ZNF385D: variants seen among roughly 807,000 people sequenced by gnomAD.
ZNF385D encodes the protein zinc finger protein 659.
In ZNF385D, 15 loss-of-function variants were observed where a neutral mutation model predicts 35.8. That is an observed-to-expected ratio of 0.42 (90% CI 0.28 to 0.64). ZNF385D has a LOEUF of 0.64. ZNF385D is among the 30% of genes least tolerant of loss of function. ZNF385D has a pLI of 0.23. For synonymous variants in ZNF385D, 212 were observed against 186.8 expected (o/e 1.13, Z -1.10); for missense variants, 474 against 494.6 (o/e 0.96, Z 0.39).
At chr3:21,850,372 G>A (rs1696307874) in intron 3 of ZNF385D, among the ~76,000 whole-genome samples, 1 of 152,082 alleles carries the variant, frequency 6.6e-6, no homozygotes, top group Non-Finnish European at 1.5e-5. Flanking sequence ...GTGCTTGTCA[G>A]TATTTACAGA....
intron 3 of ZNF385D, among the ~76,000 whole-genome samples, chr3:21,527,032 CA>C (rs750802114): frequency 6.7e-4 from 98 of 145,904 alleles, no homozygotes; most frequent in African/African-American, 2.1e-3. Flanking sequence ...TCACTCTTTT[CA>C]AAAAAAAAAT....
intron 1 of ZNF385D, among the ~76,000 whole-genome samples, chr3:21,717,766 T>C (rs546302025): frequency 3.3e-5 from 5 of 152,326 alleles, no homozygotes; most frequent in African/African-American, 1.2e-4. Context: ...TGCCACCCTG[T>C]AAAACGTGCC....
chr3:21,717,199 G>C (rs1457523299), intron 1 of ZNF385D, among the ~76,000 whole-genome samples: 1 of 152,192 alleles, frequency 6.6e-6, no homozygotes, highest in Admixed American at 6.5e-5. Flanking sequence ...GGTTACTTCT[G>C]AGTAGGCACT....
intron 3 of ZNF385D, among the ~76,000 whole-genome samples, chr3:21,795,051 G>A (rs775732533): frequency 6.6e-6 from 1 of 152,098 alleles, no homozygotes; most frequent in African/African-American, 2.4e-5. Context: ...CAAATTATTT[G>A]TACCTGATCC....
chr3:22,096,521 T>A (rs1393759306), intron 3 of ZNF385D, among the ~76,000 whole-genome samples: 6 of 152,030 alleles, frequency 3.9e-5, no homozygotes, highest in Admixed American at 3.9e-4. Context: ...CAGAGAGTAA[T>A]GCTGACAAAT....
At chr3:22,126,572 C>T (rs1044177404) in intron 3 of ZNF385D, among the ~76,000 whole-genome samples, 4 of 151,922 alleles carry the variant, frequency 2.6e-5, no homozygotes, top group African/African-American at 4.8e-5. Context: ...TTTTTCTGAA[C>T]GTTTTAAGAC....
At chr3:21,756,506 C>T (rs2125572253) in intron 3 of ZNF385D, among the ~76,000 whole-genome samples, 1 of 151,886 alleles carries the variant, frequency 6.6e-6, no homozygotes, top group African/African-American at 2.4e-5. Context: ...GTCTGGAGCT[C>T]AAAGGAGATG....
intron 3 of ZNF385D, among the ~76,000 whole-genome samples, chr3:21,814,037 G>A (rs1027495890): frequency 1.3e-5 from 2 of 152,102 alleles, no homozygotes; most frequent in African/African-American, 4.8e-5. Flanking sequence ...AAGAGAGTGG[G>A]GGCCAATATT....
intron 1 of ZNF385D, among the ~76,000 whole-genome samples, chr3:21,710,473 CT>C (rs1219177260): frequency 6.6e-6 from 1 of 152,112 alleles, no homozygotes; most frequent in South Asian, 2.1e-4. Flanking sequence ...GCACTGGCTT[CT>C]TTTTGTGTTT....
chr3:22,096,432 G>GA, intron 3 of ZNF385D, among the ~76,000 whole-genome samples: 1 of 151,924 alleles, frequency 6.6e-6, no homozygotes, highest in Non-Finnish European at 1.5e-5. Context: ...TACAAAAACA[G>GA]AAAAAATACT....
intron 3 of ZNF385D, among the ~76,000 whole-genome samples, chr3:21,832,821 C>T (rs1029782652): frequency 6.6e-6 from 1 of 152,138 alleles, no homozygotes; most frequent in African/African-American, 2.4e-5. Flanking sequence ...TCTATGAGCT[C>T]TACTCTTTTT....
intron 4 of ZNF385D, among the ~76,000 whole-genome samples, chr3:21,477,864 C>T (rs73046450): frequency 5.8e-4 from 88 of 152,226 alleles, no homozygotes; most frequent in African/African-American, 2.0e-3. Flanking sequence ...TGGATAGCCA[C>T]CAATTTTCTG....
chr3:22,360,086 C>A (rs1167445646), intron 2 of ZNF385D, among the ~76,000 whole-genome samples: 2 of 151,906 alleles, frequency 1.3e-5, no homozygotes, highest in Non-Finnish European at 2.9e-5. Flanking sequence ...CTTAAAAAAT[C>A]TCCTCTTTGG....
chr3:21,776,575 C>T (rs971898344), intron 3 of ZNF385D, among the ~76,000 whole-genome samples: 1 of 151,618 alleles, frequency 6.6e-6, no homozygotes, highest in African/African-American at 2.4e-5. Context: ...TCTTCCTATC[C>T]CTTGATTATT....
At chr3:21,893,788 T>C (rs916019266) in intron 3 of ZNF385D, among the ~76,000 whole-genome samples, 12 of 152,196 alleles carry the variant, frequency 7.9e-5, no homozygotes, top group African/African-American at 2.7e-4. Context: ...CCACATTTTA[T>C]CAAAGCCATG....
At chr3:21,653,604 C>T (rs1167649041) in intron 2 of ZNF385D, among the ~76,000 whole-genome samples, 1 of 151,920 alleles carries the variant, frequency 6.6e-6, no homozygotes, top group African/African-American at 2.4e-5. Context: ...TAAAAACAAA[C>T]TTGAAGCTCA....
intron 4 of ZNF385D, among the ~76,000 whole-genome samples, chr3:21,502,862 C>T (rs1321774792): frequency 6.6e-6 from 1 of 152,160 alleles, no homozygotes; most frequent in African/African-American, 2.4e-5. Context: ...AAAAGCACTC[C>T]AGGCACAAAT....
intron 3 of ZNF385D, among the ~76,000 whole-genome samples, chr3:21,917,074 G>C (rs1700224320): frequency 6.6e-6 from 1 of 152,160 alleles, no homozygotes; most frequent in Non-Finnish European, 1.5e-5. Context: ...CCATTAAATA[G>C]AGTCCATTAA....
intron 3 of ZNF385D, among the ~76,000 whole-genome samples, chr3:21,948,599 CTGAATTGG>C (rs1701908761): frequency 6.6e-6 from 1 of 152,058 alleles, no homozygotes; most frequent in South Asian, 2.1e-4. Context: ...TTTCTATATA[CTGAATTGG>C]CATATAATAT....
Sources: gnomAD v4.1 joint callset for allele counts (sites outside exome capture counted in the v4.1 genomes callset) on GRCh38, gnomAD v4.1.1 for gene constraint, MANE v1.5 for transcripts, NCBI Gene and HGNC (gene_info 2026-07-23, HGNC 2026-07-21) for gene names.